The following XRCC4 variants were observed in gnomAD, a reference collection of about 807,000 sequenced individuals.
XRCC4 encodes X-ray repair cross complementing 4, also known as DNA repair protein XRCC4.
Under a neutral mutation model 39.1 loss-of-function variants are expected in XRCC4, and 28 were observed. That is an observed-to-expected ratio of 0.72 (90% CI 0.53 to 0.98). The LOEUF (loss-of-function observed/expected upper bound fraction) is 0.98. XRCC4 is among the 50% of genes least tolerant of loss of function. The probability of loss-of-function intolerance (pLI) is 0.00; values close to 1 mark genes in which losing one functional copy is unlikely to be tolerated. For synonymous variants in XRCC4, 123 were observed against 126.4 expected (o/e 0.97, Z 0.18); for missense variants, 350 against 376.4 (o/e 0.93, Z 0.58).
chr5:83,303,584 C>A (rs918539499), intron 7 of XRCC4, among the ~76,000 whole-genome samples: 7 of 152,104 alleles, frequency 4.6e-5, no homozygotes, highest in Non-Finnish European at 1.0e-4. Flanking sequence ...AGAGATTACT[C>A]TTATAGTAAA....
chr5:83,102,352 A>G (rs2112361511), intron 1 of XRCC4, among the ~76,000 whole-genome samples: 1 of 152,266 alleles, frequency 6.6e-6, no homozygotes, highest in South Asian at 2.1e-4. Context: ...GAGGATTTAT[A>G]CTTAATCTGT....
At chr5:83,089,738 A>G (rs975334789) in intron 1 of XRCC4, among the ~76,000 whole-genome samples, 2 of 152,238 alleles carry the variant, frequency 1.3e-5, no homozygotes, top group South Asian at 4.1e-4. Context: ...AATTATTTTT[A>G]ATCAAACACT....
the XRCC4 span, among the ~76,000 whole-genome samples, chr5:83,363,761 T>A: frequency 6.6e-6 from 1 of 152,220 alleles, no homozygotes; most frequent in East Asian, 1.9e-4. Flanking sequence ...GGAGAGAATG[T>A]TTTTAAGCCT....
intron 3 of XRCC4, among the ~76,000 whole-genome samples, chr5:83,120,018 A>G (rs1032753685): frequency 1.0e-3 from 155 of 151,114 alleles, no homozygotes; most frequent in African/African-American, 3.5e-3. Flanking sequence ...AAAAAAAACA[A>G]TAACAGAAAC....
At chr5:83,214,681 C>G (rs879595697) in intron 6 of XRCC4, among the ~76,000 whole-genome samples, 7 of 151,538 alleles carry the variant, frequency 4.6e-5, no homozygotes, top group Non-Finnish European at 1.5e-5. Flanking sequence ...ACAAAAAATA[C>G]AAAAAATTAG....
intron 6 of XRCC4, among the ~76,000 whole-genome samples, chr5:83,210,276 A>T (rs1432251216): frequency 2.0e-5 from 3 of 152,144 alleles, no homozygotes; most frequent in Admixed American, 1.3e-4. Context: ...TCATAGACAC[A>T]TTTATTTATA....
chr5:83,353,158 T>C lies in XRCC4; in HGVS notation c.921T>C (p.Ser307=). ...CTGATTCTTCACTACCTGAGACGTC[T>C]AAAAAGGAGCACATCTCAGCTGAAA... ...EKPDSSLPET[S]KKEHISAENM... Residue 307 remains serine (S), a synonymous_variant, in exon 8 of 8, where the codon TCT becomes TCC. Coordinates refer to ENST00000396027, the MANE Select transcript of XRCC4 (RefSeq NM_003401.5). 6.2e-7 allele frequency: 1 copy of C among 1,610,890 alleles called. No homozygotes were observed. Among genetic ancestry groups the C allele is most frequent in the Non-Finnish European group, 8.5e-7 (1 of 1,178,782 alleles).
intron 3 of XRCC4, among the ~76,000 whole-genome samples, chr5:83,136,946 C>T (rs1413878119): frequency 1.3e-5 from 2 of 152,134 alleles, no homozygotes; most frequent in African/African-American, 4.8e-5. Flanking sequence ...ATCCTGTGTT[C>T]TCTTCACAAA....
intron 7 of XRCC4, among the ~76,000 whole-genome samples, chr5:83,323,724 G>A (rs1366993737): frequency 7.1e-6 from 1 of 140,460 alleles, no homozygotes; most frequent in Admixed American, 7.1e-5. Flanking sequence ...AAAAATATCT[G>A]ATACTGTGTT....
chr5:83,335,497 T>C (rs1474072494), intron 7 of XRCC4, among the ~76,000 whole-genome samples: 1 of 152,008 alleles, frequency 6.6e-6, no homozygotes, highest in Non-Finnish European at 1.5e-5. Flanking sequence ...TGTCATTAGA[T>C]TTAGAACTTG....
chr5:83,323,587 C>A (rs1756147529), intron 7 of XRCC4, among the ~76,000 whole-genome samples: 1 of 150,154 alleles, frequency 6.7e-6, no homozygotes, highest in Non-Finnish European at 1.5e-5. Flanking sequence ...CTCTTCTCTT[C>A]ATTTTTTTTT....
intron 6 of XRCC4, among the ~76,000 whole-genome samples, chr5:83,236,366 A>T (rs1470567659): frequency 1.3e-5 from 2 of 152,202 alleles, no homozygotes; most frequent in Non-Finnish European, 2.9e-5. Flanking sequence ...TCATAAAAAC[A>T]GACACATAAG....
the XRCC4 span, among the ~76,000 whole-genome samples, chr5:83,366,995 C>T: frequency 2.6e-5 from 4 of 152,156 alleles, no homozygotes; most frequent in Non-Finnish European, 5.9e-5. Context: ...CATCTGTTCT[C>T]ACCAGATTTT....
At chr5:83,321,164 A>T (rs1395638702) in intron 7 of XRCC4, among the ~76,000 whole-genome samples, 1 of 152,072 alleles carries the variant, frequency 6.6e-6, no homozygotes, top group Non-Finnish European at 1.5e-5. Flanking sequence ...TGTAAACATA[A>T]CTTTTTCTGC....
intron 3 of XRCC4, among the ~76,000 whole-genome samples, chr5:83,184,703 A>G (rs368701238): frequency 4.6e-5 from 7 of 152,118 alleles, no homozygotes; most frequent in African/African-American, 1.7e-4. Flanking sequence ...CACTGTTTCT[A>G]TGAGCAACAG....
chr5:83,144,257 T>A (rs1748324519), intron 3 of XRCC4, among the ~76,000 whole-genome samples: 1 of 129,976 alleles, frequency 7.7e-6, no homozygotes, highest in African/African-American at 2.7e-5. Context: ...TCTGGCTGAG[T>A]AATATTCCTC....
chr5:83,323,035 G>A (rs1756130215), intron 7 of XRCC4, among the ~76,000 whole-genome samples: 1 of 152,110 alleles, frequency 6.6e-6, no homozygotes, highest in Non-Finnish European at 1.5e-5. Flanking sequence ...CCTATTCGAA[G>A]TATGTGGGAG....
chr5:83,333,403 T>G (rs941460073), intron 7 of XRCC4, among the ~76,000 whole-genome samples: 5 of 152,228 alleles, frequency 3.3e-5, no homozygotes, highest in Non-Finnish European at 7.3e-5. Context: ...GTAAGTATTG[T>G]GGGCTCTGAC....
intron 3 of XRCC4, among the ~76,000 whole-genome samples, chr5:83,188,790 C>T (rs1037093740): frequency 6.6e-6 from 1 of 152,114 alleles, no homozygotes. Flanking sequence ...ATAACCCTTT[C>T]AACCTCTGTA....
Sources: allele counts gnomAD v4.1 joint callset (sites outside exome capture counted in the v4.1 genomes callset), GRCh38; gene constraint gnomAD v4.1.1; transcripts MANE v1.5; gene names NCBI Gene and HGNC (gene_info 2026-07-23, HGNC 2026-07-21).